BORCS5: variants seen among roughly 807,000 people sequenced by gnomAD.
BORCS5 encodes the protein BLOC-1-related complex subunit 5.
In BORCS5, 17 loss-of-function variants were observed where a neutral mutation model predicts 22.1. The ratio of observed to expected loss-of-function variants is 0.77; its 90% CI spans 0.53 to 1.15. BORCS5 has a LOEUF of 1.15. BORCS5 is among the 50% of genes most tolerant of loss of function. The pLI, the probability that BORCS5 is intolerant of heterozygous loss-of-function variation, is 0.00. For missense variants in BORCS5, 247 were observed against 253.2 expected, an observed-to-expected ratio of 0.98 and a Z score of 0.17; for synonymous variants, 117 against 99.8, an observed-to-expected ratio of 1.17 and a Z score of -1.03.
chr12:12,435,666 T>C lies in BORCS5; in HGVS notation c.241T>C (p.Leu81=), dbSNP rs1371604103. Residue 81 remains leucine (L), a synonymous_variant, in exon 3 of 4, where the codon TTG becomes CTG. Transcript: ENST00000314565. ...SGQTSPTNAK[L]EKLDSQQVLQ... is the part of the protein sequence containing the mutation. ...CCAGACTTCCCCAACAAATGCCAAATTGGAGAAACTGGACTCTCAGCAGGT... is the reference window on the plus strand; with the variant it reads ...CCAGACTTCCCCAACAAATGCCAAACTGGAGAAACTGGACTCTCAGCAGGT... The C allele has an allele frequency of 4.3e-6, 7 of 1,613,910 alleles. No individual in the cohort carries two copies. The highest frequency in any genetic ancestry group is 1.3e-5 in the African/African-American group (1 of 74,896).
At chr12:12,425,196 G>C (rs576513484) in intron 2 of BORCS5, among the ~76,000 whole-genome samples, 1 of 152,190 alleles carries the variant, frequency 6.6e-6, no homozygotes, top group East Asian at 1.9e-4. Context: ...GAGATGGCTG[G>C]TGCTATTATG....
chr12:12,418,414 A>G (rs569234904), intron 2 of BORCS5, among the ~76,000 whole-genome samples: 3 of 152,130 alleles, frequency 2.0e-5, no homozygotes, highest in Middle Eastern at 3.2e-3. Flanking sequence ...GGTCAGCTAC[A>G]GTAACTCACT....
At chr12:12,371,634 A>G (rs1592059543) in intron 2 of BORCS5, among the ~76,000 whole-genome samples, 2 of 152,116 alleles carry the variant, frequency 1.3e-5, no homozygotes, top group East Asian at 3.9e-4. Context: ...TCACACTAAT[A>G]TGTTCTCTAT....
At chr12:12,392,393 A>G (rs1360479997) in intron 2 of BORCS5, among the ~76,000 whole-genome samples, 2 of 152,128 alleles carry the variant, frequency 1.3e-5, no homozygotes, top group East Asian at 3.8e-4. Context: ...CATGAATTGC[A>G]GGAATTTATT....
chr12:12,420,399 G>A (rs1317819942), intron 2 of BORCS5, among the ~76,000 whole-genome samples: 8 of 151,906 alleles, frequency 5.3e-5, no homozygotes, highest in Non-Finnish European at 7.4e-5. Flanking sequence ...TGTTCCATTG[G>A]TCTATATCTC....
At chr12:12,431,798 A>T (rs1167929586) in intron 2 of BORCS5, among the ~76,000 whole-genome samples, 2 of 151,310 alleles carry the variant, frequency 1.3e-5, no homozygotes, top group African/African-American at 4.9e-5. Flanking sequence ...GGTTCGAGAG[A>T]TTCTTCTGCC....
chr12:12,390,365 C>A lies in BORCS5; in HGVS notation c.202+29016C>A, dbSNP rs190799516. 7.3e-4 allele frequency among the ~76,000 whole-genome samples: 111 copies of A among 152,194 alleles called. 1 individual carries two copies. Among genetic ancestry groups the A allele is most frequent in the African/African-American group, 2.6e-3 (107 of 41,480 alleles). Reference sequence around the variant, plus strand: ...AAATTGATACAATCTTTACATAGATCATGATGAGGAAGGAGGTAATATATT... The same window carrying A: ...AAATTGATACAATCTTTACATAGATAATGATGAGGAAGGAGGTAATATATT... On this transcript the variant is annotated intron_variant, in intron 2 of 3. Transcript: ENST00000314565.
At chr12:12,382,303 C>T (rs774344355) in intron 2 of BORCS5, among the ~76,000 whole-genome samples, 1 of 150,964 alleles carries the variant, frequency 6.6e-6, no homozygotes, top group Non-Finnish European at 1.5e-5. Context: ...GGGGAGGTGC[C>T]ACACTCCTTT....
chr12:12,448,527 C>CT (rs34937700), intron 3 of BORCS5, among the ~76,000 whole-genome samples: 37,356 of 142,270 alleles, frequency 0.26, 5,431 homozygotes, highest in Non-Finnish European at 0.34. Context: ...GTCTTCAATT[C>CT]TTTTTTTTTT....
intron 2 of BORCS5, among the ~76,000 whole-genome samples, chr12:12,387,889 A>G (rs535701066): frequency 6.6e-6 from 1 of 151,528 alleles, no homozygotes; most frequent in Admixed American, 6.6e-5. Flanking sequence ...CACGATTAAC[A>G]CACCATGAGG....
chr12:12,380,416 T>C (rs1863751524), intron 2 of BORCS5, among the ~76,000 whole-genome samples: 1 of 151,428 alleles, frequency 6.6e-6, no homozygotes, highest in Admixed American at 6.6e-5. Context: ...GAGGACCATA[T>C]CAAAATTATT....
chr12:12,461,979 C>G lies in BORCS5; in HGVS notation c.361-3567C>G, dbSNP rs532656772. 2.0e-4 allele frequency among the ~76,000 whole-genome samples: 30 copies of G among 152,284 alleles called. No individual in the cohort carries two copies. The South Asian group carries it at 6.2e-3, about 32-fold the overall frequency. ...TATTTGCAATTTATATGTTTCTGGGCCTGAGTTTCCTGGAATAGTAAAGTC... is the reference window on the plus strand; with the variant it reads ...TATTTGCAATTTATATGTTTCTGGGGCTGAGTTTCCTGGAATAGTAAAGTC... On this transcript the variant is annotated intron_variant, in intron 3 of 3. Coordinates refer to ENST00000314565, the MANE Select transcript of BORCS5 (RefSeq NM_058169.6).
chr12:12,418,279 C>T (rs1220297503), intron 2 of BORCS5, among the ~76,000 whole-genome samples: 1 of 150,806 alleles, frequency 6.6e-6, no homozygotes, highest in Non-Finnish European at 1.5e-5. Flanking sequence ...ACCTCGTGAT[C>T]TGCCCACCTT....
chr12:12,374,987 A>G (rs546141561), intron 2 of BORCS5, among the ~76,000 whole-genome samples: 1 of 150,486 alleles, frequency 6.6e-6, no homozygotes, highest in South Asian at 2.1e-4. Flanking sequence ...CCAAGTTTGT[A>G]TTTGGAATAT....
Position 12,461,202 on chromosome 12 carries a change from C to CT in BORCS5, c.361-4337dup, listed in dbSNP as rs545551351. ...TTTCCCCCTGGGATAGGGCCTTGCT[C>CT]TTTTTTTCCAGGCTGGAGTGTAGCG... On this transcript the variant is annotated intron_variant, in intron 3 of 3. Transcript: ENST00000314565. Among the ~76,000 whole-genome samples, 482 of 121,634 alleles carry CT rather than the reference C, an allele frequency of 4.0e-3. 2 individuals are homozygous for CT. The highest frequency in any genetic ancestry group is 0.022 in the Middle Eastern group (5 of 230). The allele number at this position is 121,634 out of a possible 152,430, so 79.8% of individuals were successfully genotyped here. A position where few individuals can be genotyped will look rare whatever the true frequency, so the allele number is the denominator to read the frequency against.
intron 3 of BORCS5, among the ~76,000 whole-genome samples, chr12:12,457,562 G>A (rs1281301916): frequency 6.6e-6 from 1 of 152,132 alleles, no homozygotes; most frequent in Non-Finnish European, 1.5e-5. Flanking sequence ...CCAGCTACGC[G>A]GGAGGCTGAG....
At chr12:12,376,046 G>T (rs555783304) in intron 2 of BORCS5, among the ~76,000 whole-genome samples, 1 of 151,842 alleles carries the variant, frequency 6.6e-6, no homozygotes, top group Non-Finnish European at 1.5e-5. Context: ...CTCATGATCC[G>T]CCCACCTCGG....
At chr12:12,422,018 AT>A (rs77310222) in intron 2 of BORCS5, among the ~76,000 whole-genome samples, 2 of 151,684 alleles carry the variant, frequency 1.3e-5, no homozygotes, top group African/African-American at 4.8e-5. Flanking sequence ...GGACTCATTG[AT>A]TTTTTTTAAG....
intron 3 of BORCS5, among the ~76,000 whole-genome samples, chr12:12,455,046 T>C (rs1450545157): frequency 2.6e-5 from 4 of 152,256 alleles, no homozygotes; most frequent in African/African-American, 4.8e-5. Context: ...AATAACAGAT[T>C]GTTACTGACT....
Sources: allele counts gnomAD v4.1 joint callset (sites outside exome capture counted in the v4.1 genomes callset), GRCh38; gene constraint gnomAD v4.1.1; transcripts MANE v1.5; gene names NCBI Gene and HGNC (gene_info 2026-07-23, HGNC 2026-07-21).